The following MACF1 variants were observed in gnomAD, a reference collection of about 807,000 sequenced individuals.
MACF1 encodes microtubule-actin cross-linking factor 1.
A neutral mutation model predicts 854.8 loss-of-function variants in MACF1; 193 were observed. The observed-to-expected ratio is 0.23, with a 90% CI of 0.20 to 0.25. The LOEUF is 0.25. Among genes scored for constraint, MACF1 ranks in the 10% least tolerant of loss-of-function variants. MACF1 has a pLI of 1.00. For synonymous variants in MACF1, 3,185 were observed against 3,226.7 expected, an observed-to-expected ratio of 0.99 and a Z score of 0.44; for missense variants, 7,722 against 8,929.1, an observed-to-expected ratio of 0.86 and a Z score of 5.45.
In MACF1 at chr1:39,123,733, T is replaced by TC. The variant is rs1642786944; in HGVS notation, c.220+39295_220+39296insC. ...TCTTGTTTTGTTTTTTTTTTTTTTT[T>TC]TTTTGTCCGAGGCAGAGTCTTGTTC... On this transcript the variant is annotated intron_variant, in intron 2 of 93. Coordinates refer to the MACF1 transcript ENST00000361689. Among the ~76,000 whole-genome samples, 3 of 144,472 alleles carry TC rather than the reference T, an allele frequency of 2.1e-5. No individual in the cohort carries two copies. The South Asian group carries it at 6.9e-4, about 33-fold the overall frequency. The allele number at this position is 144,472 out of a possible 152,430, so 94.8% of individuals were successfully genotyped here. A position where few individuals can be genotyped will look rare whatever the true frequency, so the allele number is the denominator to read the frequency against.
rs1645885916 is a variant in MACF1, at chr1:39,295,718, A to ATAG, written c.2260-66_2260-64dup. 3 of 1,131,566 alleles carry ATAG rather than the reference A, an allele frequency of 2.7e-6. No homozygotes were observed. In the South Asian group the frequency reaches 4.4e-5, roughly 16 times the overall value. 70.1% of individuals were successfully genotyped at this position (1,131,566 alleles called of 1,614,324 possible). On this transcript the variant is annotated intron_variant, in intron 19 of 100. Transcript: ENST00000564288. ...TCATTAGCAGAGTTGTACTTGGAAA[A>ATAG]TAGTATTGCGCATATATATTGAGTC...
chr1:39,374,048 C>T (rs1649500810), intron 52 of MACF1, among the ~76,000 whole-genome samples: 3 of 151,756 alleles, frequency 2.0e-5, no homozygotes, highest in Admixed American at 2.0e-4. Context: ...TCAAGACCAG[C>T]CTGGCCAACA....
intron 2 of MACF1, among the ~76,000 whole-genome samples, chr1:39,165,625 G>A (rs661316): frequency 0.29 from 43,770 of 151,996 alleles, 6,596 homozygotes; most frequent in Middle Eastern, 0.38. Context: ...TTGTTTTCTT[G>A]TCATGTAGGC....
chr1:39,459,239 G>A lies in MACF1; in HGVS notation c.21350G>A (p.Arg7117Gln), dbSNP rs753741181. 7 of 1,612,844 alleles carry A rather than the reference G, an allele frequency of 4.3e-6. No individual in the cohort carries two copies. The highest frequency in any genetic ancestry group is 1.7e-5 in the Admixed American group (1 of 59,756). ...AGGAAACTGAATGATGCCTTGGATC[G>A]GCTGGAGGAGGTAATGCCCTGCTGA... ...RQRKLNDALDRLEELKEFANF... is the reference protein window; with the variant it reads ...RQRKLNDALDQLEELKEFANF... The change falls in exon 91 of 101, where the codon CGG (arginine) becomes CAG (glutamine). Residue 7117 changes from arginine (R) to glutamine (Q), a missense_variant. By Grantham distance (43) the Arg-to-Gln change is conservative (BLOSUM62 1). Coordinates refer to ENST00000564288, the MANE Select transcript of MACF1 (RefSeq NM_001394062.1).
intron 1 of MACF1, among the ~76,000 whole-genome samples, chr1:39,217,627 G>A (rs576982135): frequency 5.9e-4 from 90 of 151,776 alleles, no homozygotes; most frequent in African/African-American, 2.2e-3. Flanking sequence ...GCCTATAATC[G>A]CAGCACTTTG....
At chr1:39,162,790 G>C (rs1437135689) in intron 2 of MACF1, among the ~76,000 whole-genome samples, 1 of 152,106 alleles carries the variant, frequency 6.6e-6, no homozygotes, top group Non-Finnish European at 1.5e-5. Context: ...GAGCCTGATA[G>C]ATGTTAGCGA....
intron 56 of MACF1, among the ~76,000 whole-genome samples, chr1:39,383,606 G>A (rs1369369202): frequency 1.3e-5 from 2 of 152,096 alleles, no homozygotes; most frequent in African/African-American, 2.4e-5. Flanking sequence ...GGCCGGGCAC[G>A]GTGGCTCATG....
chr1:39,102,223 GAA>G (rs1557453885), intron 2 of MACF1, among the ~76,000 whole-genome samples: 3 of 151,838 alleles, frequency 2.0e-5, no homozygotes, highest in Non-Finnish European at 4.4e-5. Flanking sequence ...AAGAGAGAGA[GAA>G]AGAAAAGAAA....
Position 39,437,906 on chromosome 1 carries a change from G to C in MACF1, c.18118G>C (p.Val6040Leu). 1 of 1,614,132 alleles carries C rather than the reference G, an allele frequency of 6.2e-7. No homozygotes were observed. Among genetic ancestry groups the C allele is most frequent in the African/African-American group, 1.3e-5 (1 of 75,018 alleles). ...CATCAGTGACAATAAGAGTGCCACC[G>C]TGGAGCTAGAAAAACTGCAGCCATC... ...ECISDNKSATVELEKLQPSFE... is the reference protein window; with the variant it reads ...ECISDNKSATLELEKLQPSFE... The change falls in exon 71 of 101, where the codon GTG becomes CTG. Residue 6040 changes from valine (V) to leucine (L), a missense_variant. Around this residue, in one of 15 missense-constraint regions of MACF1, gnomAD observed 2,807 missense variants for 3,235.8 expected, o/e 0.87. Transcript: ENST00000564288.
At chr1:39,432,514 T>C (rs1201192699) in intron 66 of MACF1, 21 bp from the exon 67 acceptor site, 1 of 1,612,754 alleles carries the variant, frequency 6.2e-7, no homozygotes, top group Non-Finnish European at 8.5e-7. Context: ...TTTGTTTATT[T>C]TTCTTTAATA....
chr1:39,296,359 G>A (rs1645899607), intron 20 of MACF1, among the ~76,000 whole-genome samples: 2 of 152,052 alleles, frequency 1.3e-5, no homozygotes, highest in Non-Finnish European at 2.9e-5. Context: ...AGGAGAAATA[G>A]ACTCCACCTC....
chr1:39,422,429 G>A lies in MACF1; in HGVS notation c.15872G>A (p.Gly5291Glu). Residue 5291 changes from glycine (G) to glutamate (E), a missense_variant, in exon 59 of 101, where the codon GGA (glycine) becomes GAA (glutamate). Coordinates refer to ENST00000564288, the MANE Select transcript of MACF1 (RefSeq NM_001394062.1). ...CAGATGAAATTGCAGCAGGTGAATG[G>A]ACTTGGCCAGGGATTAATTCAGAGT... ...PLQMKLQQVN[G>E]LGQGLIQSAG... 1 of 1,614,134 alleles carries A rather than the reference G, an allele frequency of 6.2e-7. No homozygotes were observed. Among genetic ancestry groups the A allele is most frequent in the Non-Finnish European group, 8.5e-7 (1 of 1,180,002 alleles).
intron 2 of MACF1, among the ~76,000 whole-genome samples, chr1:39,092,876 C>A (rs1031211693): frequency 2.0e-5 from 3 of 151,912 alleles, no homozygotes; most frequent in Admixed American, 2.0e-4. Flanking sequence ...CTCCGCCTCC[C>A]GGGTTCAAGC....
intron 5 of MACF1, chr1:39,257,694 C>T (rs1645112985): frequency 1.1e-5 from 5 of 436,062 alleles, no homozygotes; most frequent in Non-Finnish European, 2.1e-5. Context: ...CAGTGGTTGT[C>T]AGGAATTAGG....
chr1:39,333,782 C>A lies in MACF1; in HGVS notation c.7194C>A (p.Ala2398=), dbSNP rs141334491. 6,680 of 1,614,170 alleles carry A rather than the reference C, an allele frequency of 4.1e-3. 25 individuals are homozygous for A. Among genetic ancestry groups the A allele is most frequent in the Non-Finnish European group, 5.1e-3 (6,004 of 1,180,032 alleles). Residue 2398 remains alanine, a synonymous_variant, in exon 37 of 101, where the codon GCC becomes GCA. Coordinates refer to ENST00000564288, the MANE Select transcript of MACF1 (RefSeq NM_001394062.1). ...TTGGACTTCTTGACAAGGAAACAGC[C>A]ACCAGAATTTTAGAGAGGCAGGTGG... is the stretch of plus-strand genomic sequence containing the variant. ...VTVGLLDKET[A]TRILERQVVT...
chr1:39,111,528 G>T (rs1324168164), intron 2 of MACF1, among the ~76,000 whole-genome samples: 1 of 151,744 alleles, frequency 6.6e-6, no homozygotes, highest in Admixed American at 6.6e-5. Context: ...GACTACAGGC[G>T]CCCACCACAC....
chr1:39,171,460 A>G (rs1643947722), intron 2 of MACF1, among the ~76,000 whole-genome samples: 1 of 152,100 alleles, frequency 6.6e-6, no homozygotes. Context: ...GGCAACCACT[A>G]ATCAGCTTTG....
chr1:39,310,761 TTAG>T lies in MACF1; in HGVS notation c.3101-66_3101-64del, dbSNP rs1646283719. 2.1e-6 allele frequency: 3 copies of T among 1,421,630 alleles called. No homozygotes were observed. In the Admixed American group the frequency reaches 6.9e-5, roughly 33 times the overall value. 88.1% of individuals were successfully genotyped at this position (1,421,630 alleles called of 1,614,324 possible). The stretch of plus-strand genomic sequence containing the variant: ...TTCCCTAAATAAAGCCTTGCTTTCA[TTAG>T]TAGGATATCAGGTCTGCTTATCTCT... On this transcript the variant is annotated intron_variant, in intron 25 of 100. Transcript: ENST00000564288.
intron 2 of MACF1, among the ~76,000 whole-genome samples, chr1:39,157,635 A>T (rs10888682): frequency 0.59 from 89,451 of 152,104 alleles, 28,223 homozygotes; most frequent in South Asian, 0.72. Flanking sequence ...GATTTGGGGA[A>T]CATAGCTTCT....
Sources: gnomAD v4.1 joint callset for allele counts (sites outside exome capture counted in the v4.1 genomes callset) on GRCh38, gnomAD v4.1.1 for gene constraint, gnomAD v4.1.1 regional missense constraint, MANE v1.5 for transcripts, NCBI Gene and HGNC (gene_info 2026-07-23, HGNC 2026-07-21) for gene names.